RIOK2: variants seen among roughly 807,000 people sequenced by gnomAD.
RIOK2 encodes RIO kinase 2.
RIOK2 carries 46 observed loss-of-function variants against 62.4 expected under a neutral mutation model. The ratio of observed to expected loss-of-function variants is 0.74; its 90% CI spans 0.58 to 0.94. RIOK2 has a LOEUF of 0.94. Among genes scored for constraint, RIOK2 ranks in the 40% least tolerant of loss-of-function variants. RIOK2 has a pLI of 0.00. For synonymous variants in RIOK2, 197 were observed against 216.0 expected, an observed-to-expected ratio of 0.91 and a Z score of 0.77; for missense variants, 574 against 658.0, an observed-to-expected ratio of 0.87 and a Z score of 1.40.
In RIOK2 at chr5:97,165,090, A is replaced by G. The variant is rs757542011; in HGVS notation, c.1455T>C (p.Thr485=). Residue 485 remains threonine, a synonymous_variant, in exon 9 of 10, where the codon ACT becomes ACC. Transcript: ENST00000283109. ...NQYRTRTLSI[T]SSGSAVSCST... ...AACAGCTTACAGCACTGCCTGAAGA[A>G]GTGATACTCAGAGTTCTTGTTCTAT... The G allele has an allele frequency of 6.3e-7, 1 of 1,587,296 alleles. No individual in the cohort carries two copies. Among genetic ancestry groups the G allele is most frequent in the South Asian group, 1.2e-5 (1 of 85,830 alleles).
At chr5:97,164,079 CA>C (rs1395711695) in intron 9 of RIOK2, among the ~76,000 whole-genome samples, 1 of 151,954 alleles carries the variant, frequency 6.6e-6, no homozygotes, top group East Asian at 1.9e-4. Flanking sequence ...TTTTTGTAGA[CA>C]GGGGTCTTGC....
intron 6 of RIOK2, among the ~76,000 whole-genome samples, chr5:97,170,857 A>G (rs1359054020): frequency 6.6e-6 from 1 of 152,278 alleles, no homozygotes; most frequent in Non-Finnish European, 1.5e-5. Flanking sequence ...TCCAGAATCA[A>G]TAATAGCATG....
At chr5:97,168,265 T>A (rs1748901454) in intron 7 of RIOK2, among the ~76,000 whole-genome samples, 1 of 152,240 alleles carries the variant, frequency 6.6e-6, no homozygotes, top group Non-Finnish European at 1.5e-5. Flanking sequence ...ATTAACTTTG[T>A]AAATTAACTT....
At chr5:97,177,357 A>G in intron 3 of RIOK2, 66 bp from the exon 4 acceptor site, 2 of 1,359,608 alleles carry the variant, frequency 1.5e-6, no homozygotes, top group Non-Finnish European at 2.0e-6. Flanking sequence ...AACAATTCTA[A>G]CTTTCTCTAA....
intron 9 of RIOK2, 170 bp downstream of exon 9, chr5:97,164,881 A>G (rs1250706861): frequency 5.1e-6 from 2 of 393,758 alleles, no homozygotes; most frequent in Non-Finnish European, 4.5e-6. Context: ...ACATCCTTTG[A>G]GCAACATTCA....
At chr5:97,172,386 T>C (rs1749034596) in intron 5 of RIOK2, among the ~76,000 whole-genome samples, 1 of 152,210 alleles carries the variant, frequency 6.6e-6, no homozygotes, top group Non-Finnish European at 1.5e-5. Flanking sequence ...GGGAAAAACC[T>C]TGGTGTCACC....
At position 97,161,393 on chromosome 5, in the gene RIOK2, T is replaced by C. The variant is rs1043233765; in HGVS notation, c.*1668A>G. The C allele has an allele frequency of 4.0e-5, 6 of 150,870 alleles. No homozygotes were observed. The highest frequency in any genetic ancestry group is 2.1e-4 in the South Asian group (1 of 4,694). 9.3% of individuals were successfully genotyped at this position (150,870 alleles called of 1,614,324 possible). Reference sequence around the variant, plus strand: ...TTAGGACAAACTCTCTAACTTCTAATTGATGGCTAGCCAAACATATCTTCA... The same window carrying C: ...TTAGGACAAACTCTCTAACTTCTAACTGATGGCTAGCCAAACATATCTTCA... On this transcript the variant is annotated 3_prime_UTR_variant, in exon 10 of 10. Transcript: ENST00000283109.
intron 5 of RIOK2, among the ~76,000 whole-genome samples, chr5:97,171,854 T>C (rs1446807138): frequency 6.6e-6 from 1 of 152,194 alleles, no homozygotes; most frequent in Non-Finnish European, 1.5e-5. Context: ...GGCTCACCCC[T>C]GTAATCCTAG....
At chr5:97,168,895 C>T in intron 6 of RIOK2, 43 bp from the exon 7 acceptor site, 1 of 1,195,288 alleles carries the variant, frequency 8.4e-7, no homozygotes, top group African/African-American at 1.5e-5. Flanking sequence ...TTTATTGCTC[C>T]TCTTTTTCCT....
At chr5:97,177,695 C>G (rs755944406) in intron 3 of RIOK2, 37 bp downstream of exon 3, 1 of 1,254,376 alleles carries the variant, frequency 8.0e-7, no homozygotes, top group Non-Finnish European at 1.1e-6. Flanking sequence ...TAAACTAAAG[C>G]AAAGAAAATA....
At chr5:97,182,792 G>T (rs10476699) in intron 1 of RIOK2, 62,938 of 189,068 alleles carry the variant, frequency 0.33, 10,511 homozygotes, top group East Asian at 0.44. Context: ...GGGGGGGGGG[G>T]GCTTAAACCT....
intron 6 of RIOK2, among the ~76,000 whole-genome samples, chr5:97,170,079 G>A (rs1046816671): frequency 6.6e-6 from 1 of 152,078 alleles, no homozygotes; most frequent in Non-Finnish European, 1.5e-5. Flanking sequence ...ATGAAGAGAC[G>A]CTTCACTTAA....
intron 8 of RIOK2, chr5:97,166,307 G>A (rs911698274): frequency 2.2e-6 from 1 of 455,080 alleles, no homozygotes. Flanking sequence ...TTCCTTTTAA[G>A]CTTCTGATTT....
chr5:97,174,962 G>A (rs1414131455), intron 4 of RIOK2, among the ~76,000 whole-genome samples: 1 of 152,078 alleles, frequency 6.6e-6, no homozygotes, highest in Non-Finnish European at 1.5e-5. Flanking sequence ...GGAGGCTGAG[G>A]TGGGAGGATG....
intron 5 of RIOK2, among the ~76,000 whole-genome samples, chr5:97,172,312 G>A (rs1360519157): frequency 6.6e-6 from 1 of 152,150 alleles, no homozygotes; most frequent in East Asian, 1.9e-4. Flanking sequence ...CCAAAATGCT[G>A]TTCCTGTAGC....
Position 97,162,169 on chromosome 5 carries a change from A to C in RIOK2, c.*892T>G, listed in dbSNP as rs567975446. 5 of 152,254 alleles carry C rather than the reference A, an allele frequency of 3.3e-5. No homozygotes were observed. Among genetic ancestry groups the C allele is most frequent in the South Asian group, 2.1e-4 (1 of 4,828 alleles). The allele number at this position is 152,254 out of a possible 1,614,324, so 9.4% of individuals were successfully genotyped here. A position where few individuals can be genotyped will look rare whatever the true frequency, so the allele number is the denominator to read the frequency against. On this transcript the variant is annotated 3_prime_UTR_variant, in exon 10 of 10. Transcript: ENST00000283109. ...CATCTAGTGGCCATTTTTCGCTGCA[A>C]GTGATCCCCTTTTCCGACTTATGCG...
chr5:97,165,875 T>C (rs1748831807), intron 8 of RIOK2, among the ~76,000 whole-genome samples: 2 of 152,202 alleles, frequency 1.3e-5, no homozygotes, highest in Non-Finnish European at 2.9e-5. Flanking sequence ...ATATATTTGG[T>C]TAAACATTAA....
chr5:97,176,820 T>C (rs1749174837), intron 4 of RIOK2, among the ~76,000 whole-genome samples: 1 of 152,218 alleles, frequency 6.6e-6, no homozygotes, highest in African/African-American at 2.4e-5. Context: ...CATCCACACA[T>C]ACATATTTGT....
intron 8 of RIOK2, 119 bp downstream of exon 8, chr5:97,167,348 C>T (rs923502372): frequency 1.2e-5 from 18 of 1,489,494 alleles, no homozygotes; most frequent in Non-Finnish European, 1.6e-5. Context: ...TCATTTTATA[C>T]ATCAAGGTGG....
Sources: gnomAD v4.1 joint callset for allele counts (sites outside exome capture counted in the v4.1 genomes callset) on GRCh38, gnomAD v4.1.1 for gene constraint, MANE v1.5 for transcripts, NCBI Gene and HGNC (gene_info 2026-07-23, HGNC 2026-07-21) for gene names.